The following TECR variants were observed in gnomAD, a reference collection of about 807,000 sequenced individuals.
TECR encodes the protein trans-2,3-enoyl-CoA reductase.
Under a neutral mutation model 50.6 loss-of-function variants are expected in TECR, and 19 were observed. The ratio of observed to expected loss-of-function variants is 0.38; its 90% CI spans 0.26 to 0.55. The LOEUF (loss-of-function observed/expected upper bound fraction) is 0.55, where lower values mean the gene tolerates loss of function less well. TECR is among the 20% of genes least tolerant of loss of function. The probability of loss-of-function intolerance (pLI) is 0.79; values close to 1 mark genes in which losing one functional copy is unlikely to be tolerated. For missense variants in TECR, 313 were observed against 408.3 expected (o/e 0.77, Z 2.01); for synonymous variants, 168 against 163.5 (o/e 1.03, Z -0.21).
chr19:14,549,874 C>T (rs545335633), intron 1 of TECR, among the ~76,000 whole-genome samples: 21 of 151,724 alleles, frequency 1.4e-4, no homozygotes, highest in South Asian at 1.1e-3. Context: ...ACTCGGCATG[C>T]GGAGGTTGCA....
intron 1 of TECR, chr19:14,562,071 T>A (rs1475990045): frequency 1.3e-5 from 5 of 392,388 alleles, no homozygotes; most frequent in Non-Finnish European, 2.3e-5. Context: ...AAAAGCTGCT[T>A]TCAGGGCAGC....
intron 1 of TECR, among the ~76,000 whole-genome samples, chr19:14,551,951 CT>C (rs2073532650): frequency 1.9e-5 from 2 of 104,492 alleles, no homozygotes; most frequent in Admixed American, 9.5e-5. Context: ...CCCTCCCTCT[CT>C]CTCTCTCTCT....
chr19:14,529,300 C>A (rs1157636327), upstream of TECR: 2 of 388,728 alleles, frequency 5.1e-6, no homozygotes, highest in Non-Finnish European at 9.8e-6. Context: ...TCTGGCCTAA[C>A]CGTCGCTTAC....
In TECR at chr19:14,565,972, C is replaced by G. The variant is rs1452840445; in HGVS notation, c.*101C>G. ...GCACCCGGAATAAAGCCCGCCTGCC[C>G]CAGTCGGACTCGGGCTCTGTGTGTT... On this transcript the variant is annotated 3_prime_UTR_variant, in exon 13 of 13. Transcript: ENST00000215567. 6.4e-7 allele frequency: 1 copy of G among 1,553,736 alleles called. No homozygotes were observed.
chr19:14,553,654 C>A (rs540249182), intron 1 of TECR, among the ~76,000 whole-genome samples: 1 of 152,220 alleles, frequency 6.6e-6, no homozygotes, highest in African/African-American at 2.4e-5. Context: ...GAGGGCTGAG[C>A]CGCTGAGCCG....
intron 1 of TECR, among the ~76,000 whole-genome samples, chr19:14,542,373 T>TTTTTTTTTTTTTTC (rs2073132772): frequency 7.7e-6 from 1 of 129,376 alleles, no homozygotes; most frequent in Non-Finnish European, 1.6e-5. Flanking sequence ...TTTTTTTTTT[T>TTTTTTTTTTTTTTC]TTTCTGAGAT....
intron 1 of TECR, among the ~76,000 whole-genome samples, chr19:14,535,999 A>G (rs990737118): frequency 6.6e-6 from 1 of 151,928 alleles, no homozygotes; most frequent in Non-Finnish European, 1.5e-5. Context: ...TCTTTGCTGT[A>G]GGCACTCAGA....
At chr19:14,536,106 G>A (rs73924194) in intron 1 of TECR, among the ~76,000 whole-genome samples, 1,525 of 152,198 alleles carry the variant, frequency 0.01, 10 homozygotes, top group South Asian at 0.048. Flanking sequence ...CCTTTTCCAG[G>A]GCTGCAGGCC....
intron 1 of TECR, among the ~76,000 whole-genome samples, chr19:14,551,332 C>G (rs1459468105): frequency 6.6e-6 from 1 of 152,152 alleles, no homozygotes; most frequent in African/African-American, 2.4e-5. Flanking sequence ...ACCTCGGCCT[C>G]CCAGAGTACT....
At chr19:14,532,427 T>G (rs1239815164) in intron 1 of TECR, 1 of 147,714 alleles carries the variant, frequency 6.8e-6, no homozygotes, top group African/African-American at 2.5e-5. Context: ...ACGCCTGTAA[T>G]CTCAGCTACT....
Position 14,564,936 on chromosome 19 carries a change from G to A in TECR, c.563-13G>A, listed in dbSNP as rs951429798. Reference sequence around the variant, plus strand: ...CCTCCCCTCATGGGCTCCCCTCCCTGCTTCCTCTTCAGCCTACGGAGCTCA... The same window carrying A: ...CCTCCCCTCATGGGCTCCCCTCCCTACTTCCTCTTCAGCCTACGGAGCTCA... On this transcript the variant is annotated splice_polypyrimidine_tract_variant and intron_variant, in intron 8 of 12. Coordinates refer to ENST00000215567, the MANE Select transcript of TECR (RefSeq NM_138501.6). The A allele has an allele frequency of 1.2e-5, 20 of 1,614,020 alleles. No homozygotes were observed. Among genetic ancestry groups the A allele is most frequent in the Non-Finnish European group, 1.7e-5 (20 of 1,180,032 alleles).
chr19:14,561,702 AACT>A (rs2073908030), intron 1 of TECR, among the ~76,000 whole-genome samples: 1 of 152,090 alleles, frequency 6.6e-6, no homozygotes, highest in Non-Finnish European at 1.5e-5. Context: ...GGTTGCCTAA[AACT>A]TCCACACACC....
At chr19:14,560,170 C>T (rs1282211392) in intron 1 of TECR, among the ~76,000 whole-genome samples, 1 of 152,224 alleles carries the variant, frequency 6.6e-6, no homozygotes, top group East Asian at 1.9e-4. Context: ...TAGCCGGGAC[C>T]CCGATGGCCG....
chr19:14,532,778 T>G (rs961052152), intron 1 of TECR, among the ~76,000 whole-genome samples: 4 of 152,144 alleles, frequency 2.6e-5, no homozygotes, highest in African/African-American at 9.7e-5. Context: ...TCACTCACAC[T>G]TAACAAGCAA....
At chr19:14,544,989 C>G in intron 1 of TECR, 2 of 409,278 alleles carry the variant, frequency 4.9e-6, no homozygotes, top group Non-Finnish European at 9.9e-6. Context: ...GTGTCCTTTT[C>G]ACTCCTTCCC....
At chr19:14,530,695 A>G (rs978781195) in intron 1 of TECR, 6 of 152,198 alleles carry the variant, frequency 3.9e-5, no homozygotes, top group South Asian at 2.1e-4. Context: ...CCTAGCCACT[A>G]TGCCATGCTG....
intron 1 of TECR, among the ~76,000 whole-genome samples, chr19:14,552,995 A>G (rs2073589236): frequency 6.6e-6 from 1 of 152,030 alleles, no homozygotes; most frequent in Non-Finnish European, 1.5e-5. Context: ...TGAGGGCACA[A>G]CCGCAGGGAT....
At position 14,563,877 on chromosome 19, in the gene TECR, C is replaced by G; in HGVS notation, c.241C>G (p.Leu81Val). 2 of 1,614,074 alleles carry G rather than the reference C, an allele frequency of 1.2e-6. No individual in the cohort carries two copies. The highest frequency in any genetic ancestry group is 8.5e-7 in the Non-Finnish European group (1 of 1,179,962). Residue 81 changes from leucine to valine, a missense_variant, in exon 5 of 13, where the codon CTG becomes GTG. Coordinates refer to ENST00000215567, the MANE Select transcript of TECR (RefSeq NM_138501.6). The surrounding 1 kb of genome is among the most constrained non-coding windows in gnomAD (Gnocchi z 5.3). ...CACGGCCACACTGTACTTCCGGGAC[C>G]TGGGGGCCCAGATCAGCTGGGTGAC... ...GTTATLYFRD[L>V]GAQISWVTVF...
rs1429127200 is a variant in TECR, at chr19:14,565,015, C to T, written c.606+23C>T. 17 of 1,613,772 alleles carry T rather than the reference C, an allele frequency of 1.1e-5. No homozygotes were observed. The East Asian group carries it at 2.2e-4, about 21-fold the overall frequency. On this transcript the variant is annotated intron_variant, in intron 9 of 12. Coordinates refer to ENST00000215567, the MANE Select transcript of TECR (RefSeq NM_138501.6). ...GTGGTAAGGAGGCTGGGTGTGGGGA[C>T]GGGGTCGGGGGAGTCTGGGCGGCCC...
Sources: allele counts gnomAD v4.1 joint callset (sites outside exome capture counted in the v4.1 genomes callset), GRCh38; gene constraint gnomAD v4.1.1; non-coding constraint Gnocchi (gnomAD v3.1); transcripts MANE v1.5; gene names NCBI Gene and HGNC (gene_info 2026-07-23, HGNC 2026-07-21).